TBCK: variants seen among roughly 807,000 people sequenced by gnomAD.
The protein encoded by TBCK is TBC domain-containing protein kinase-like protein.
In TBCK, 99 loss-of-function variants were observed where a neutral mutation model predicts 113.4. The observed-to-expected ratio is 0.87, with a 90% CI of 0.74 to 1.03. The LOEUF (loss-of-function observed/expected upper bound fraction) is 1.03. TBCK is among the 50% of genes least tolerant of loss of function. The pLI, the probability that TBCK is intolerant of heterozygous loss-of-function variation, is 0.00. For synonymous variants in TBCK, 369 were observed against 370.8 expected (o/e 1.00, Z 0.05); for missense variants, 1,045 against 1,061.3 (o/e 0.98, Z 0.21).
At chr4:106,178,454 T>G (rs566547372) in intron 22 of TBCK, among the ~76,000 whole-genome samples, 41 of 152,080 alleles carry the variant, frequency 2.7e-4, no homozygotes, top group African/African-American at 9.1e-4. Context: ...TGTGGGGTTG[T>G]CACATATGGC....
At chr4:106,143,241 C>T (rs897168150) in intron 23 of TBCK, among the ~76,000 whole-genome samples, 2 of 152,158 alleles carry the variant, frequency 1.3e-5, no homozygotes, top group Non-Finnish European at 1.5e-5. Context: ...CAACTCTTAT[C>T]TGGCTCTGGG....
Position 106,262,184 on chromosome 4 carries a change from C to T in TBCK, c.295G>A (p.Glu99Lys). Residue 99 changes from glutamate to lysine, a missense_variant, in exon 4 of 26, where the codon GAG (glutamate) becomes AAG (lysine). Glu to Lys is a moderately conservative substitution (Grantham distance 56). Transcript: ENST00000394708. ...ATATACTGCAAGCCCTGAAGAACCT[C>T]AAATGCTATACACAAAACCGTTGAA... ...SCSTVLCIAF[E>K]VLQGLQYMNK... The T allele has an allele frequency of 6.5e-7, 1 of 1,547,526 alleles. No homozygotes were observed. The highest frequency in any genetic ancestry group is 8.7e-7 in the Non-Finnish European group (1 of 1,144,292).
intron 22 of TBCK, among the ~76,000 whole-genome samples, chr4:106,174,458 G>C (rs78656605): frequency 0.14 from 20,537 of 152,044 alleles, 1,647 homozygotes; most frequent in South Asian, 0.24. Context: ...CTGCTGCTGA[G>C]AAGTCTGATA....
chr4:106,100,975 A>G (rs1247226364), intron 24 of TBCK, among the ~76,000 whole-genome samples: 1 of 152,198 alleles, frequency 6.6e-6, no homozygotes. Context: ...CATGTCAGAC[A>G]TCACCTGGTT....
intron 12 of TBCK, among the ~76,000 whole-genome samples, chr4:106,238,380 A>C (rs1202921469): frequency 6.6e-6 from 1 of 152,140 alleles, no homozygotes; most frequent in Non-Finnish European, 1.5e-5. Context: ...ATGGTTAGAT[A>C]AGCTTTAAAA....
intron 23 of TBCK, among the ~76,000 whole-genome samples, chr4:106,149,452 A>G (rs753839382): frequency 1.2e-3 from 176 of 152,304 alleles, no homozygotes; most frequent in Admixed American, 3.5e-3. Flanking sequence ...CTTTGAGTCC[A>G]TTATAGGGCT....
intron 5 of TBCK, among the ~76,000 whole-genome samples, chr4:106,254,227 G>C (rs1312719711): frequency 1.3e-5 from 2 of 152,198 alleles, no homozygotes; most frequent in Non-Finnish European, 2.9e-5. Context: ...AAGAAGGAAA[G>C]CAAGTGTTCA....
At chr4:106,074,064 G>A (rs747155491) in intron 25 of TBCK, among the ~76,000 whole-genome samples, 32 of 152,180 alleles carry the variant, frequency 2.1e-4, no homozygotes, top group Admixed American at 4.6e-4. Context: ...AACCCCCTGC[G>A]TTTCCCAGGT....
intron 19 of TBCK, among the ~76,000 whole-genome samples, chr4:106,216,757 G>T (rs55674477): frequency 6.6e-6 from 1 of 151,774 alleles, no homozygotes; most frequent in Admixed American, 6.6e-5. Flanking sequence ...TCCAGGACCA[G>T]ATGGATTCAC....
intron 23 of TBCK, among the ~76,000 whole-genome samples, chr4:106,143,962 C>T (rs1747460262): frequency 6.6e-6 from 1 of 151,032 alleles, no homozygotes; most frequent in South Asian, 2.1e-4. Context: ...ACTCTTGCAC[C>T]AACCTAACAT....
chr4:106,167,180 G>GTATA (rs56951945), intron 23 of TBCK, among the ~76,000 whole-genome samples: 1 of 143,290 alleles, frequency 7.0e-6, no homozygotes, highest in African/African-American at 2.5e-5. Flanking sequence ...ATATAGAACT[G>GTATA]TATATATATA....
chr4:106,242,676 T>G (rs1760294178), intron 11 of TBCK, 107 bp from the exon 12 acceptor site: 1 of 638,846 alleles, frequency 1.6e-6, no homozygotes, highest in South Asian at 2.3e-5. Context: ...AAAAAAGAAT[T>G]AAACTTTAGA....
intron 14 of TBCK, among the ~76,000 whole-genome samples, 187 bp downstream of exon 14, chr4:106,236,203 G>A (rs1163803073): frequency 1.3e-5 from 2 of 151,396 alleles, no homozygotes; most frequent in African/African-American, 4.9e-5. Flanking sequence ...ACCACACCTT[G>A]TTTTTACTTT....
intron 25 of TBCK, among the ~76,000 whole-genome samples, chr4:106,079,799 T>C (rs1336438558): frequency 6.6e-6 from 1 of 152,200 alleles, no homozygotes; most frequent in Non-Finnish European, 1.5e-5. Flanking sequence ...CTGCAGGCTA[T>C]ACAGGAAGCA....
chr4:106,304,342 A>G (rs976213773), intron 2 of TBCK, among the ~76,000 whole-genome samples: 8 of 152,228 alleles, frequency 5.3e-5, no homozygotes, highest in African/African-American at 1.9e-4. Flanking sequence ...AAGCAAACCC[A>G]TAACAACAGA....
intron 3 of TBCK, among the ~76,000 whole-genome samples, chr4:106,272,889 G>A (rs1001755862): frequency 6.6e-6 from 1 of 152,008 alleles, no homozygotes; most frequent in Non-Finnish European, 1.5e-5. Context: ...GTAAGTACAG[G>A]GTAAAAGTTT....
At chr4:106,242,437 C>G in intron 12 of TBCK, 33 bp downstream of exon 12, 1 of 1,522,136 alleles carries the variant, frequency 6.6e-7, no homozygotes, top group East Asian at 2.3e-5. Context: ...AAGAAAAAAA[C>G]CTAAAGCAGA....
At chr4:106,174,302 T>A (rs1031245599) in intron 22 of TBCK, among the ~76,000 whole-genome samples, 1 of 152,104 alleles carries the variant, frequency 6.6e-6, no homozygotes, top group Non-Finnish European at 1.5e-5. Context: ...ATCCAGCAGC[T>A]ACAAAGAAAG....
intron 20 of TBCK, among the ~76,000 whole-genome samples, chr4:106,198,479 T>C (rs574653313): frequency 2.4e-4 from 36 of 152,234 alleles, no homozygotes; most frequent in African/African-American, 8.2e-4. Context: ...GCACTTTGCA[T>C]TTTCTTCTTT....
Sources: allele counts gnomAD v4.1 joint callset (sites outside exome capture counted in the v4.1 genomes callset), GRCh38; gene constraint gnomAD v4.1.1; transcripts MANE v1.5; gene names NCBI Gene and HGNC (gene_info 2026-07-23, HGNC 2026-07-21).